Variants in CDC27 observed in about 807,000 individuals in gnomAD.
The protein encoded by CDC27 is cell division cycle protein 27 homolog.
CDC27 carries 27 observed loss-of-function variants against 109.7 expected under a neutral mutation model. That is an observed-to-expected ratio of 0.25 (90% CI 0.18 to 0.34). The LOEUF (loss-of-function observed/expected upper bound fraction) is 0.34, where lower values mean the gene tolerates loss of function less well. Ranked by LOEUF, CDC27 falls within the 10% of genes least tolerant of loss-of-function variation. The pLI, the probability that CDC27 is intolerant of heterozygous loss-of-function variation, is 1.00. For synonymous variants in CDC27, 266 were observed against 333.9 expected (o/e 0.80, Z 2.22); for missense variants, 579 against 960.2 (o/e 0.60, Z 5.25).
intron 1 of CDC27, chr17:47,188,766 C>T: frequency 9.1e-7 from 1 of 1,103,396 alleles, no homozygotes; most frequent in Non-Finnish European, 1.1e-6. Context: ...ATCACACAAG[C>T]TCCGATCAAA....
chr17:47,135,867 G>A (rs1379606287), intron 14 of CDC27, among the ~76,000 whole-genome samples: 1 of 152,202 alleles, frequency 6.6e-6, no homozygotes, highest in Non-Finnish European at 1.5e-5. Context: ...TCCTGGCCGG[G>A]TATGGTGGCT....
intron 2 of CDC27, among the ~76,000 whole-genome samples, chr17:47,178,214 A>G (rs1612): frequency 0.011 from 1,628 of 152,244 alleles, 13 homozygotes; most frequent in Non-Finnish European, 0.016. Context: ...AATGGAAAAT[A>G]TTAGAGTGTA....
At position 47,188,796 on chromosome 17, in the gene CDC27, T is replaced by C. The variant is rs1396232533; in HGVS notation, c.27+350A>G. On this transcript the variant is annotated intron_variant, in intron 1 of 18. Coordinates refer to ENST00000066544, the MANE Select transcript of CDC27 (RefSeq NM_001256.6). ...ATCAAATGTGCTTCTCGATCATCTTTTAGGCAAGAGAGCGCTTGGGGTGCA... is the reference window on the plus strand; with the variant it reads ...ATCAAATGTGCTTCTCGATCATCTTCTAGGCAAGAGAGCGCTTGGGGTGCA... The C allele has an allele frequency of 5.1e-6, 6 of 1,177,918 alleles. No individual in the cohort carries two copies. The Admixed American group carries it at 2.3e-4, about 45-fold the overall frequency. The allele number at this position is 1,177,918 out of a possible 1,614,324, so 73.0% of individuals were successfully genotyped here.
chr17:47,134,764 G>A (rs201461275), intron 14 of CDC27, among the ~76,000 whole-genome samples: 5 of 150,862 alleles, frequency 3.3e-5, no homozygotes, highest in Admixed American at 6.6e-5. Flanking sequence ...GTGAGCCACC[G>A]TGCCCGGCCT....
intron 14 of CDC27, 92 bp downstream of exon 14, chr17:47,137,060 A>T (rs1568382983): frequency 3.1e-6 from 2 of 638,866 alleles, no homozygotes; most frequent in Non-Finnish European, 5.0e-6. Flanking sequence ...AAGTAACCAA[A>T]TTCATGATAA....
At chr17:47,164,148 A>G (rs997325401) in intron 4 of CDC27, among the ~76,000 whole-genome samples, 5 of 152,174 alleles carry the variant, frequency 3.3e-5, no homozygotes, top group African/African-American at 1.2e-4. Context: ...ATAACTGCCT[A>G]CAGTATTCAG....
intron 15 of CDC27, among the ~76,000 whole-genome samples, chr17:47,130,222 G>C (rs191785273): frequency 6.6e-6 from 1 of 152,110 alleles, no homozygotes; most frequent in Admixed American, 6.6e-5. Flanking sequence ...TTAGCCGGGC[G>C]TGGTGTCACA....
chr17:47,129,516 T>C lies in CDC27; in HGVS notation c.2037A>G (p.Gln679=), dbSNP rs1161143459. The change falls in exon 16 of 19, where the codon CAA becomes CAG. Residue 679 remains glutamine, a synonymous_variant. Transcript: ENST00000066544. ...SVLLCHIGVV[Q]HALKKSEKAL... is the part of the protein sequence containing the mutation. Reference sequence around the variant, plus strand: ...CCTTCTCTGATTTTTTCAGTGCATGTTGAACCTGTAAGAAATAAAGATCAT... The same window carrying C: ...CCTTCTCTGATTTTTTCAGTGCATGCTGAACCTGTAAGAAATAAAGATCAT... The C allele has an allele frequency of 2.5e-6, 4 of 1,596,522 alleles. No homozygotes were observed. In the African/African-American group the frequency reaches 4.1e-5, roughly 16 times the overall value.
chr17:47,160,861 G>C (rs1045992408), intron 4 of CDC27, among the ~76,000 whole-genome samples: 17 of 152,164 alleles, frequency 1.1e-4, no homozygotes, highest in Admixed American at 2.6e-4. Context: ...AAATTTTCAA[G>C]TGAGTAAAAA....
At chr17:47,170,136 A>T (rs2063770959) in intron 3 of CDC27, 94 bp from the exon 4 acceptor site, 1 of 955,812 alleles carries the variant, frequency 1.0e-6, no homozygotes, top group South Asian at 2.3e-5. Context: ...CTAACTATGG[A>T]GACACAAATT....
At chr17:47,187,599 G>A (rs2064493094) in intron 1 of CDC27, among the ~76,000 whole-genome samples, 1 of 151,870 alleles carries the variant, frequency 6.6e-6, no homozygotes, top group South Asian at 2.1e-4. Flanking sequence ...ACCACGCCCG[G>A]CCTTCCATGC....
intron 1 of CDC27, chr17:47,188,913 G>A: frequency 7.2e-7 from 1 of 1,388,908 alleles, no homozygotes. Context: ...GGGAAAGGCG[G>A]TTATTTTCGC....
intron 12 of CDC27, among the ~76,000 whole-genome samples, chr17:47,141,013 C>T: frequency 6.6e-6 from 1 of 152,154 alleles, no homozygotes; most frequent in East Asian, 1.9e-4. Flanking sequence ...TTATTGCTAC[C>T]TGTTCTTATA....
At chr17:47,186,445 T>C (rs2064439181) in intron 1 of CDC27, among the ~76,000 whole-genome samples, 1 of 152,244 alleles carries the variant, frequency 6.6e-6, no homozygotes, top group Non-Finnish European at 1.5e-5. Flanking sequence ...CCAACACTTC[T>C]GTGAAGTCTT....
At chr17:47,182,788 TG>T (rs1333857570) in intron 1 of CDC27, among the ~76,000 whole-genome samples, 7 of 152,152 alleles carry the variant, frequency 4.6e-5, no homozygotes, top group African/African-American at 1.7e-4. Flanking sequence ...ATTTCTAGGG[TG>T]TTTTTTTGTT....
intron 10 of CDC27, among the ~76,000 whole-genome samples, chr17:47,142,801 C>A (rs2062836092): frequency 6.6e-6 from 1 of 152,196 alleles, no homozygotes; most frequent in Non-Finnish European, 1.5e-5. Context: ...GCTTCAGCCT[C>A]CCGCGTAACT....
chr17:47,124,001 T>G, intron 16 of CDC27, 41 bp from the exon 17 acceptor site: 1 of 1,441,412 alleles, frequency 6.9e-7, no homozygotes, highest in Admixed American at 2.3e-5. Flanking sequence ...GCAAAAATTT[T>G]TAAAGTTTTG....
intron 15 of CDC27, among the ~76,000 whole-genome samples, chr17:47,130,477 A>AATT (rs2062289839): frequency 2.0e-5 from 3 of 152,272 alleles, no homozygotes; most frequent in Non-Finnish European, 2.9e-5. Context: ...GATATTTTAA[A>AATT]TAACTTAAAA....
intron 14 of CDC27, among the ~76,000 whole-genome samples, chr17:47,133,022 T>TACACACAC (rs1422473112): frequency 2.4e-5 from 1 of 41,562 alleles, no homozygotes; most frequent in African/African-American, 8.1e-5. Flanking sequence ...TATATATATA[T>TACACACAC]ATATATACAC....
Sources: allele counts gnomAD v4.1 joint callset (sites outside exome capture counted in the v4.1 genomes callset), GRCh38; gene constraint gnomAD v4.1.1; transcripts MANE v1.5; gene names NCBI Gene and HGNC (gene_info 2026-07-23, HGNC 2026-07-21).